The following SNX29 variants were observed in gnomAD, a reference collection of about 807,000 sequenced individuals.
SNX29 encodes sorting nexin-29.
In SNX29, 78 loss-of-function variants were observed where a neutral mutation model predicts 102.1. That is an observed-to-expected ratio of 0.76 (90% confidence interval 0.64 to 0.92). The LOEUF (loss-of-function observed/expected upper bound fraction) is 0.92. Ranked by LOEUF, SNX29 falls within the 40% of genes least tolerant of loss-of-function variation. The pLI is 0.00. For missense variants in SNX29, 1,280 were observed against 1,061.7 expected, an observed-to-expected ratio of 1.21 and a Z score of -2.86; for synonymous variants, 580 against 414.5, an observed-to-expected ratio of 1.40 and a Z score of -4.85.
chr16:12,259,619 C>G (rs1567367043), intron 14 of SNX29, among the ~76,000 whole-genome samples: 1 of 152,176 alleles, frequency 6.6e-6, no homozygotes, highest in African/African-American at 2.4e-5. Context: ...TTCCTATTTT[C>G]TAGTTTTTCT....
At chr16:11,985,074 A>G (rs1233096477) in intron 1 of SNX29, among the ~76,000 whole-genome samples, 1 of 152,022 alleles carries the variant, frequency 6.6e-6, no homozygotes, top group African/African-American at 2.4e-5. Context: ...TAGCATTAAC[A>G]TCGAAGAGTT....
intron 15 of SNX29, among the ~76,000 whole-genome samples, chr16:12,350,561 C>T (rs900658149): frequency 6.6e-6 from 1 of 152,154 alleles, no homozygotes; most frequent in Admixed American, 6.5e-5. Context: ...ATGCCATTTT[C>T]TTCTGGCTTG....
chr16:11,976,794 G>A lies in SNX29; in HGVS notation c.-13G>A, dbSNP rs940052008. 5 of 1,375,620 alleles carry A rather than the reference G, an allele frequency of 3.6e-6. No homozygotes were observed. Among genetic ancestry groups the A allele is most frequent in the South Asian group, 1.6e-5 (1 of 61,680 alleles). 85.2% of individuals were successfully genotyped at this position (1,375,620 alleles called of 1,614,324 possible). ...GGCGGCGCGGCGCAGGCACCGGCCC[G>A]GGGAGAGGCACCATGAGCGGTGAGT... On this transcript the variant is annotated 5_prime_UTR_variant, in exon 1 of 21. Transcript: ENST00000566228.
rs1302443553 is a variant in SNX29, at chr16:12,516,535, G to A, written c.2179-8167G>A. On this transcript the variant is annotated intron_variant, in intron 19 of 20. Coordinates refer to ENST00000566228, the MANE Select transcript of SNX29 (RefSeq NM_032167.5). ...TGGAATCTCATAGCCAGGAGGCCTTGTTGCTGGAGTCCTTAGTAGTCTAGT... is the reference window on the plus strand; with the variant it reads ...TGGAATCTCATAGCCAGGAGGCCTTATTGCTGGAGTCCTTAGTAGTCTAGT... Among the ~76,000 whole-genome samples the A allele has an allele frequency of 2.7e-5, 4 of 149,002 alleles. 1 individual carries two copies. Among genetic ancestry groups the A allele is most frequent in the Admixed American group, 1.3e-4 (2 of 14,966 alleles).
At chr16:12,267,873 T>C (rs1441758791) in intron 14 of SNX29, among the ~76,000 whole-genome samples, 1 of 152,170 alleles carries the variant, frequency 6.6e-6, no homozygotes, top group Non-Finnish European at 1.5e-5. Context: ...TTGCTCAGAA[T>C]AAAATACCAT....
At position 12,356,285 on chromosome 16, in the gene SNX29, T is replaced by C. The variant is rs1264973854; in HGVS notation, c.1899+6T>C. 8 of 1,590,210 alleles carry C rather than the reference T, an allele frequency of 5.0e-6. No individual in the cohort carries two copies. The South Asian group carries it at 8.0e-5, about 16-fold the overall frequency. Reference sequence around the variant, plus strand: ...TCATCGATCTCCGGGGACCGGTGAGTGTTTCCCCAACCCTGTGTGTCTGTC... The same window carrying C: ...TCATCGATCTCCGGGGACCGGTGAGCGTTTCCCCAACCCTGTGTGTCTGTC... On this transcript the variant is annotated splice_donor_region_variant and intron_variant, in intron 16 of 20. Transcript: ENST00000566228.
At chr16:12,156,234 C>T (rs964972537) in intron 13 of SNX29, among the ~76,000 whole-genome samples, 2 of 152,160 alleles carry the variant, frequency 1.3e-5, no homozygotes, top group African/African-American at 4.8e-5. Flanking sequence ...AGTGCAGAGG[C>T]GCGATCTTGG....
chr16:12,483,127 T>TTTTTTG (rs2088042313), intron 19 of SNX29, among the ~76,000 whole-genome samples: 1 of 129,702 alleles, frequency 7.7e-6, no homozygotes, highest in Admixed American at 7.7e-5. Context: ...TTTTTTTTTT[T>TTTTTTG]TTTTTTTTTT....
intron 20 of SNX29, chr16:12,546,589 A>C (rs1026318079): frequency 6.6e-6 from 1 of 152,226 alleles, no homozygotes; most frequent in African/African-American, 2.4e-5. Flanking sequence ...GTCCCCACCC[A>C]AGGATAATAC....
intron 15 of SNX29, among the ~76,000 whole-genome samples, chr16:12,279,875 G>A (rs1413421510): frequency 6.6e-6 from 1 of 152,204 alleles, no homozygotes; most frequent in Non-Finnish European, 1.5e-5. Flanking sequence ...GAAAGGTTCT[G>A]TTCCTCTGGG....
intron 18 of SNX29, among the ~76,000 whole-genome samples, chr16:12,453,288 A>C (rs1342011008): frequency 6.6e-6 from 1 of 152,154 alleles, no homozygotes; most frequent in Non-Finnish European, 1.5e-5. Flanking sequence ...ATCATCCCCC[A>C]CATGACCACC....
chr16:12,063,364 A>ATGTTTTTTTTTT (rs1567173140), intron 9 of SNX29, among the ~76,000 whole-genome samples: 1 of 48,232 alleles, frequency 2.1e-5, no homozygotes, highest in Non-Finnish European at 4.4e-5. Context: ...TTCCTAGTCC[A>ATGTTTTTTTTTT]TCTTTTTTTT....
At chr16:12,344,404 T>C (rs1261806416) in intron 15 of SNX29, among the ~76,000 whole-genome samples, 1 of 152,152 alleles carries the variant, frequency 6.6e-6, no homozygotes, top group Non-Finnish European at 1.5e-5. Context: ...TTCCTCAATC[T>C]GTAGATGGAA....
intron 20 of SNX29, among the ~76,000 whole-genome samples, chr16:12,544,523 T>A (rs1186793367): frequency 6.6e-6 from 1 of 152,140 alleles, no homozygotes; most frequent in Admixed American, 6.5e-5. Flanking sequence ...CTGTGGGGAA[T>A]TGTGTGGCCT....
chr16:12,181,122 G>C (rs1353644960), intron 13 of SNX29, among the ~76,000 whole-genome samples: 1 of 152,206 alleles, frequency 6.6e-6, no homozygotes, highest in Admixed American at 6.5e-5. Context: ...CTAGGGGAGA[G>C]GAAGAATCTC....
intron 18 of SNX29, among the ~76,000 whole-genome samples, chr16:12,449,448 A>G (rs935286099): frequency 6.6e-6 from 1 of 152,076 alleles, no homozygotes; most frequent in Non-Finnish European, 1.5e-5. Flanking sequence ...CAAAGCAGGT[A>G]ATGATGTTTG....
At chr16:12,059,026 C>G (rs1323997896) in intron 8 of SNX29, among the ~76,000 whole-genome samples, 1 of 152,034 alleles carries the variant, frequency 6.6e-6, no homozygotes, top group African/African-American at 2.4e-5. Context: ...GCCTCGGCCT[C>G]CCAAAGTACC....
chr16:12,544,335 A>C (rs576085005), intron 20 of SNX29, among the ~76,000 whole-genome samples: 2,875 of 152,320 alleles, frequency 0.019, 46 homozygotes, highest in Non-Finnish European at 0.03. Context: ...TGAGGCAGGA[A>C]AAGTCAGTAC....
intron 18 of SNX29, among the ~76,000 whole-genome samples, chr16:12,462,595 C>CAT (rs2086856309): frequency 6.9e-6 from 1 of 144,764 alleles, no homozygotes; most frequent in Admixed American, 6.7e-5. Context: ...TTTCATTATA[C>CAT]ACACACACAC....
Sources: gnomAD v4.1 joint callset for allele counts (sites outside exome capture counted in the v4.1 genomes callset) on GRCh38, gnomAD v4.1.1 for gene constraint, MANE v1.5 for transcripts, NCBI Gene and HGNC (gene_info 2026-07-23, HGNC 2026-07-21) for gene names.